The following FBN2 variants were observed in gnomAD, a reference collection of about 807,000 sequenced individuals.
FBN2 encodes fibrillin 2.
A neutral mutation model predicts 355.6 loss-of-function variants in FBN2; 105 were observed. The observed-to-expected ratio is 0.30, with a 90% CI of 0.25 to 0.35. The LOEUF (loss-of-function observed/expected upper bound fraction) is 0.35. Among genes scored for constraint, FBN2 ranks in the 10% least tolerant of loss-of-function variants. FBN2 has a pLI of 1.00. For synonymous variants in FBN2, 1,350 were observed against 1,301.2 expected (o/e 1.04, Z -0.81); for missense variants, 3,280 against 3,758.7 (o/e 0.87, Z 3.33).
chr5:128,426,715 G>T lies in FBN2; in HGVS notation c.953-17916C>A, dbSNP rs1051025103. On this transcript the variant is annotated intron_variant, in intron 7 of 64. Coordinates refer to ENST00000262464, the MANE Select transcript of FBN2 (RefSeq NM_001999.4). ...GAAGCCCTCAGTAATGAAGGGGCAT[G>T]GTGTCTTCTTTCTTCTATCTTTCCA... Among the ~76,000 whole-genome samples the T allele has an allele frequency of 2.0e-5, 3 of 152,296 alleles. No homozygotes were observed. The South Asian group carries it at 6.2e-4, about 32-fold the overall frequency.
rs28763933 is a variant in FBN2 at position 128,291,536 on chromosome 5, T to A, written c.6285A>T (p.Arg2095Ser). The A allele has an allele frequency of 6.2e-7, 1 of 1,613,900 alleles. No homozygotes were observed. The highest frequency in any genetic ancestry group is 2.2e-5 in the East Asian group (1 of 44,866). ...AGTCATGCCAAATCTTACCAAAGCA[T>A]CTCCGTCCATTATCAGATAGTACAA... Reference protein sequence around the residue: ...PGFVLSDNGRRCFDTRQSFCF... With the variant: ...PGFVLSDNGRSCFDTRQSFCF... The change falls in exon 49 of 65, where the codon AGA becomes AGT. Residue 2095 changes from arginine to serine, a missense_variant. This residue lies in a region of FBN2 where 2,284 missense variants were observed against 2,749.5 expected (regional missense o/e 0.83). Coordinates refer to ENST00000262464, the MANE Select transcript of FBN2 (RefSeq NM_001999.4).
At chr5:128,528,118 C>G (rs1046608012) in intron 3 of FBN2, 151 bp from the exon 4 acceptor site, 15 of 662,574 alleles carry the variant, frequency 2.3e-5, no homozygotes, top group Non-Finnish European at 3.6e-5. Context: ...TATTTTTATT[C>G]ATCATTTCTT....
chr5:128,328,282 G>A, intron 34 of FBN2: 1 of 373,986 alleles, frequency 2.7e-6, no homozygotes, highest in South Asian at 2.6e-5. Flanking sequence ...ACAGACAGCA[G>A]TCTCAACCAC....
intron 15 of FBN2, among the ~76,000 whole-genome samples, chr5:128,373,278 A>C (rs1285515700): frequency 1.3e-5 from 2 of 152,208 alleles, no homozygotes; most frequent in Non-Finnish European, 2.9e-5. Flanking sequence ...TAAAGGAAAA[A>C]AGCAAGTAAA....
intron 62 of FBN2, among the ~76,000 whole-genome samples, chr5:128,269,167 C>T (rs929658951): frequency 1.3e-5 from 2 of 151,750 alleles, no homozygotes; most frequent in East Asian, 3.9e-4. Context: ...GTAATTCTAG[C>T]ACTTTGGGAG....
intron 23 of FBN2, among the ~76,000 whole-genome samples, chr5:128,345,934 C>A (rs779417710): frequency 1.3e-5 from 2 of 152,168 alleles, no homozygotes; most frequent in African/African-American, 2.4e-5. Context: ...GCTTCAAGTG[C>A]CTTTTAAGCA....
chr5:128,328,251 A>G (rs1420839654), intron 34 of FBN2: 5 of 313,536 alleles, frequency 1.6e-5, no homozygotes, highest in Non-Finnish European at 3.0e-5. Context: ...ATCCCTGAAG[A>G]GGACTTCCAT....
intron 3 of FBN2, among the ~76,000 whole-genome samples, chr5:128,528,218 G>T (rs1756615823): frequency 6.6e-6 from 1 of 152,056 alleles, no homozygotes; most frequent in African/African-American, 2.4e-5. Context: ...TAAACAGAAG[G>T]TGACTAGCAG....
At chr5:128,343,630 G>A (rs1472847212) in intron 25 of FBN2, among the ~76,000 whole-genome samples, 2 of 152,162 alleles carry the variant, frequency 1.3e-5, no homozygotes, top group African/African-American at 4.8e-5. Flanking sequence ...TTCACATCTT[G>A]TTCAAAGAGA....
chr5:128,402,050 A>G (rs1461892399), intron 8 of FBN2, among the ~76,000 whole-genome samples: 1 of 152,184 alleles, frequency 6.6e-6, no homozygotes, highest in Non-Finnish European at 1.5e-5. Flanking sequence ...CTCACAGTTA[A>G]GGTCTCCAAA....
At chr5:128,522,466 T>G (rs1756455727) in intron 4 of FBN2, among the ~76,000 whole-genome samples, 1 of 152,116 alleles carries the variant, frequency 6.6e-6, no homozygotes, top group Admixed American at 6.6e-5. Context: ...CCTACAGACG[T>G]TTGAGGACTA....
At chr5:128,395,296 A>G (rs778999178) in intron 8 of FBN2, 22 bp from the exon 9 acceptor site, 1 of 1,613,826 alleles carries the variant, frequency 6.2e-7, no homozygotes, top group East Asian at 2.2e-5. Context: ...TAAATAAGAC[A>G]GAAGATATGG....
chr5:128,309,056 A>G (rs1171491757), intron 41 of FBN2, among the ~76,000 whole-genome samples, 191 bp downstream of exon 41: 1 of 152,262 alleles, frequency 6.6e-6, no homozygotes, highest in African/African-American at 2.4e-5. Context: ...AGCCTATCCA[A>G]CATAATGTCT....
intron 28 of FBN2, 83 bp downstream of exon 28, chr5:128,335,905 G>T: frequency 7.1e-7 from 1 of 1,414,902 alleles, no homozygotes; most frequent in Non-Finnish European, 9.9e-7. Context: ...GATTTGCATA[G>T]CCTTCATTAT....
At chr5:128,376,912 C>T in intron 13 of FBN2, 59 bp from the exon 14 acceptor site, 1 of 1,599,578 alleles carries the variant, frequency 6.3e-7, no homozygotes, top group South Asian at 1.1e-5. Flanking sequence ...ATTCCTTCTT[C>T]TTCCATAAAC....
intron 34 of FBN2, among the ~76,000 whole-genome samples, chr5:128,320,015 A>T (rs907346753): frequency 1.3e-5 from 2 of 152,210 alleles, no homozygotes; most frequent in African/African-American, 4.8e-5. Flanking sequence ...CCCAGTTAAA[A>T]TATTGGTTTC....
chr5:128,370,380 C>T (rs755016933), intron 15 of FBN2, among the ~76,000 whole-genome samples: 24 of 152,076 alleles, frequency 1.6e-4, no homozygotes, highest in Non-Finnish European at 2.9e-4. Flanking sequence ...AAATGGCCAT[C>T]CAATAATTTC....
At chr5:128,448,363 G>A (rs1175432576) in intron 6 of FBN2, among the ~76,000 whole-genome samples, 1 of 151,328 alleles carries the variant, frequency 6.6e-6, no homozygotes, top group Non-Finnish European at 1.5e-5. Flanking sequence ...GGAGTGTGCA[G>A]TGGCGTGATC....
chr5:128,299,009 G>A (rs1749624539), intron 48 of FBN2, among the ~76,000 whole-genome samples: 1 of 152,126 alleles, frequency 6.6e-6, no homozygotes, highest in African/African-American at 2.4e-5. Flanking sequence ...GTACAGATGG[G>A]CTTTTGGTGT....
Sources: allele counts gnomAD v4.1 joint callset (sites outside exome capture counted in the v4.1 genomes callset), GRCh38; gene constraint gnomAD v4.1.1; regional missense constraint gnomAD v4.1.1; transcripts MANE v1.5; gene names NCBI Gene and HGNC (gene_info 2026-07-23, HGNC 2026-07-21).